Variants in TENT4B observed in about 807,000 individuals in gnomAD.
TENT4B encodes PAP associated domain containing 5.
A neutral mutation model predicts 75.0 loss-of-function variants in TENT4B; 10 were observed. The ratio of observed to expected loss-of-function variants is 0.13; its 90% CI spans 0.08 to 0.23. The LOEUF (loss-of-function observed/expected upper bound fraction) is 0.23. Ranked by LOEUF, TENT4B falls within the 10% of genes least tolerant of loss-of-function variation. The probability of loss-of-function intolerance (pLI) is 1.00; values close to 1 mark genes in which losing one functional copy is unlikely to be tolerated. For missense variants in TENT4B, 579 were observed against 893.8 expected, an observed-to-expected ratio of 0.65 and a Z score of 4.49; for synonymous variants, 350 against 357.7, an observed-to-expected ratio of 0.98 and a Z score of 0.24.
intron 11 of TENT4B, among the ~76,000 whole-genome samples, chr16:50,228,801 A>T (rs1596761369): frequency 6.6e-6 from 1 of 152,112 alleles, no homozygotes; most frequent in South Asian, 2.1e-4. Context: ...GCTGACCCAA[A>T]CCTACCAGTG....
rs2032304961 is a variant in TENT4B at position 50,231,852 on chromosome 16, TA to T, written c.*2525del. The T allele has an allele frequency of 1.0e-6, 1 of 984,280 alleles. No individual in the cohort carries two copies. Among genetic ancestry groups the T allele is most frequent in the Non-Finnish European group, 1.2e-6 (1 of 828,640 alleles). 61.0% of individuals were successfully genotyped at this position (984,280 alleles called of 1,614,324 possible). Reference sequence around the variant, plus strand: ...TTTTAGTTTGCCTGCTCATTTGTTTTATACATTTCATCTATTTGACTCCTAT... The same window carrying T: ...TTTTAGTTTGCCTGCTCATTTGTTTTTACATTTCATCTATTTGACTCCTAT... On this transcript the variant is annotated 3_prime_UTR_variant, in exon 12 of 12. Coordinates refer to ENST00000561678, the MANE Select transcript of TENT4B (RefSeq NM_001365324.3).
intron 1 of TENT4B, among the ~76,000 whole-genome samples, chr16:50,197,590 T>C (rs2030355340): frequency 6.6e-6 from 1 of 152,158 alleles, no homozygotes; most frequent in Non-Finnish European, 1.5e-5. Context: ...TGCCATTTAA[T>C]GGTTTAATTG....
In TENT4B at chr16:50,153,949, A is replaced by G. The variant is rs754905310; in HGVS notation, c.328A>G (p.Asn110Asp). 22 of 1,528,524 alleles carry G rather than the reference A, an allele frequency of 1.4e-5. No individual in the cohort carries two copies. In the South Asian group the frequency reaches 2.6e-4, roughly 18 times the overall value. The allele number at this position is 1,528,524 out of a possible 1,614,324, so 94.7% of individuals were successfully genotyped here. The change falls in exon 1 of 12, where the codon AAC becomes GAC. Residue 110 changes from asparagine (N) to aspartate (D), a missense_variant. Coordinates refer to ENST00000561678, the MANE Select transcript of TENT4B (RefSeq NM_001365324.3). ...QRDFLPLETT[N>D]NNNNHHQPGA... is the part of the protein sequence containing the mutation. ...GGACTTCCTGCCCCTAGAGACGACC[A>G]ACAACAACAACAACCACCACCAGCC...
At chr16:50,183,196 A>G (rs1316032738) in intron 1 of TENT4B, among the ~76,000 whole-genome samples, 3 of 151,936 alleles carry the variant, frequency 2.0e-5, no homozygotes, top group Admixed American at 6.6e-5. Context: ...GGCATGTGCC[A>G]CCACACCCGG....
At chr16:50,226,432 T>A (rs934490278) in intron 10 of TENT4B, among the ~76,000 whole-genome samples, 1 of 152,084 alleles carries the variant, frequency 6.6e-6, no homozygotes, top group Non-Finnish European at 1.5e-5. Context: ...TTGTTGTTGT[T>A]GTTTTGTTTT....
intron 1 of TENT4B, among the ~76,000 whole-genome samples, chr16:50,172,891 A>G (rs2038233012): frequency 6.6e-6 from 1 of 152,174 alleles, no homozygotes; most frequent in South Asian, 2.1e-4. Flanking sequence ...AGAATGTCAT[A>G]TAGTTGGAAT....
In TENT4B at chr16:50,222,173, C is replaced by T. The variant is rs930136088; in HGVS notation, c.1039-133C>T. On this transcript the variant is annotated intron_variant, in intron 5 of 11. Transcript: ENST00000561678. ...GTTTACTTTTTTTTAATAGCTTACTCTTAAAATAGAAAATTAAGTATGTTG... is the reference window on the plus strand; with the variant it reads ...GTTTACTTTTTTTTAATAGCTTACTTTTAAAATAGAAAATTAAGTATGTTG... 3 of 816,696 alleles carry T rather than the reference C, an allele frequency of 3.7e-6. No individual in the cohort carries two copies. The African/African-American group carries it at 5.3e-5, about 14-fold the overall frequency. The allele number at this position is 816,696 out of a possible 1,614,324, so 50.6% of individuals were successfully genotyped here.
At position 50,217,547 on chromosome 16, in the gene TENT4B, T is replaced by C; in HGVS notation, c.931-9T>C. The C allele has an allele frequency of 7.3e-7, 1 of 1,377,224 alleles. No individual in the cohort carries two copies. The highest frequency in any genetic ancestry group is 9.8e-7 in the Non-Finnish European group (1 of 1,019,326). 85.3% of individuals were successfully genotyped at this position (1,377,224 alleles called of 1,614,324 possible). A position where few individuals can be genotyped will look rare whatever the true frequency, so the allele number is the denominator to read the frequency against. On this transcript the variant is annotated splice_polypyrimidine_tract_variant and intron_variant, in intron 4 of 11. Transcript: ENST00000561678. ...AAGCATTTACATTTTACCTTTCTTC[T>C]CTTTATAGGTACCTATTATTAAATT... is the stretch of plus-strand genomic sequence containing the variant.
intron 1 of TENT4B, among the ~76,000 whole-genome samples, chr16:50,198,469 T>C (rs2150719021): frequency 6.6e-6 from 1 of 151,584 alleles, no homozygotes; most frequent in East Asian, 1.9e-4. Flanking sequence ...AAAAAATAAT[T>C]TCACTTACTA....
chr16:50,198,703 C>T (rs1437490767), intron 1 of TENT4B, among the ~76,000 whole-genome samples: 5 of 152,082 alleles, frequency 3.3e-5, no homozygotes, highest in African/African-American at 1.2e-4. Context: ...GAAGAATAAG[C>T]AGGCAAGAAT....
chr16:50,176,797 G>A (rs2038320448), intron 1 of TENT4B, among the ~76,000 whole-genome samples: 1 of 152,088 alleles, frequency 6.6e-6, no homozygotes, highest in South Asian at 2.1e-4. Context: ...GTGAGCCACT[G>A]TGCCTGGCCT....
Position 50,232,397 on chromosome 16 carries a change from A to G in TENT4B, c.*3069A>G, listed in dbSNP as rs1245934868. On this transcript the variant is annotated 3_prime_UTR_variant, in exon 12 of 12. Transcript: ENST00000561678. ...TACTTGCATTTTGAGCCTCATTAAT[A>G]TTTAGGTTATTTGATTTGGCTCCAG... 1.2e-5 allele frequency: 12 copies of G among 985,136 alleles called. No homozygotes were observed. Among genetic ancestry groups the G allele is most frequent in the Non-Finnish European group, 1.3e-5 (11 of 829,874 alleles). 61.0% of individuals were successfully genotyped at this position (985,136 alleles called of 1,614,324 possible).
At chr16:50,178,142 CTT>C (rs35008488) in intron 1 of TENT4B, among the ~76,000 whole-genome samples, 13 of 115,586 alleles carry the variant, frequency 1.1e-4, no homozygotes, top group East Asian at 2.4e-4. Flanking sequence ...AGGTGGTCTA[CTT>C]TTTTTTTTTT....
At chr16:50,225,330 G>A (rs976901357) in intron 10 of TENT4B, 45 bp downstream of exon 10, 5 of 1,540,602 alleles carry the variant, frequency 3.2e-6, no homozygotes, top group Non-Finnish European at 4.4e-6. Context: ...ATGCATGCAC[G>A]TTCTCTTGCT....
rs1326597256 is a variant in TENT4B, at chr16:50,211,395, G to A, written c.711G>A (p.Glu237=). The part of the protein sequence containing the change: ...PRPEEEKMRM[E]VVNRIESVIK... ...CTGAGGAGGAGAAGATGCGGATGGAGGTGGTGAACAGGATCGAGAGTGTAA... is the reference window on the plus strand; with the variant it reads ...CTGAGGAGGAGAAGATGCGGATGGAAGTGGTGAACAGGATCGAGAGTGTAA... The change falls in exon 2 of 12, where the codon GAG becomes GAA. Residue 237 remains glutamate (E), a synonymous_variant. Coordinates refer to ENST00000561678, the MANE Select transcript of TENT4B (RefSeq NM_001365324.3). The A allele has an allele frequency of 6.2e-7, 1 of 1,608,174 alleles. No homozygotes were observed. Among genetic ancestry groups the A allele is most frequent in the East Asian group, 2.2e-5 (1 of 44,686 alleles).
chr16:50,173,607 GA>G (rs1026112782), intron 1 of TENT4B, among the ~76,000 whole-genome samples: 6 of 152,302 alleles, frequency 3.9e-5, no homozygotes, highest in African/African-American at 1.4e-4. Flanking sequence ...CATTCTAATA[GA>G]TATGTAGTGA....
At chr16:50,165,978 A>T (rs887519403) in intron 1 of TENT4B, among the ~76,000 whole-genome samples, 1 of 152,118 alleles carries the variant, frequency 6.6e-6, no homozygotes, top group African/African-American at 2.4e-5. Flanking sequence ...TCTCTGTTTA[A>T]CATTTTGAGG....
At chr16:50,174,915 A>G (rs1041382182) in intron 1 of TENT4B, among the ~76,000 whole-genome samples, 1 of 151,500 alleles carries the variant, frequency 6.6e-6, no homozygotes. Flanking sequence ...ACTAATTTTT[A>G]TATTTTTAGT....
intron 5 of TENT4B, 88 bp from the exon 6 acceptor site, chr16:50,222,218 A>G (rs937320542): frequency 2.4e-6 from 3 of 1,256,718 alleles, no homozygotes; most frequent in Admixed American, 5.8e-5. Flanking sequence ...ACCAAATTTT[A>G]TAATGTAAGG....
Sources: gnomAD v4.1 joint callset for allele counts (sites outside exome capture counted in the v4.1 genomes callset) on GRCh38, gnomAD v4.1.1 for gene constraint, MANE v1.5 for transcripts, NCBI Gene and HGNC (gene_info 2026-07-23, HGNC 2026-07-21) for gene names.